The following TDRD10 variants were observed in gnomAD, a reference collection of about 807,000 sequenced individuals.
TDRD10 encodes the protein tudor domain containing 10.
In TDRD10, 40 loss-of-function variants were observed where a neutral mutation model predicts 48.0. That is an observed-to-expected ratio of 0.83 (90% confidence interval 0.65 to 1.09). The LOEUF (loss-of-function observed/expected upper bound fraction) is 1.09. TDRD10 is among the 50% of genes least tolerant of loss of function. The probability of loss-of-function intolerance (pLI) is 0.00; values close to 1 mark genes in which losing one functional copy is unlikely to be tolerated. For missense variants in TDRD10, 378 were observed against 434.7 expected (o/e 0.87, Z 1.16); for synonymous variants, 162 against 170.4 (o/e 0.95, Z 0.38).
At chr1:154,520,044 C>A (rs1693976679) in intron 4 of TDRD10, among the ~76,000 whole-genome samples, 1 of 152,198 alleles carries the variant, frequency 6.6e-6, no homozygotes, top group Non-Finnish European at 1.5e-5. Flanking sequence ...CGCCCATAGC[C>A]AGCTGTATGT....
chr1:154,541,919 G>A, intron 6 of TDRD10, 105 bp from the exon 7 acceptor site: 1 of 1,143,880 alleles, frequency 8.7e-7, no homozygotes, highest in Non-Finnish European at 1.3e-6. Context: ...TCAGAACAGG[G>A]GCTGCCGATG....
chr1:154,527,558 C>T (rs781587435), intron 6 of TDRD10, among the ~76,000 whole-genome samples: 4 of 152,058 alleles, frequency 2.6e-5, no homozygotes, highest in East Asian at 1.9e-4. Flanking sequence ...AATATCTTTA[C>T]GATCTCAGTG....
intron 6 of TDRD10, 99 bp from the exon 7 acceptor site, chr1:154,541,925 C>T (rs1695256836): frequency 1.6e-6 from 2 of 1,225,636 alleles, no homozygotes; most frequent in African/African-American, 1.5e-5. Context: ...CAGGGGCTGC[C>T]GATGCTCTGT....
chr1:154,518,451 G>A (rs185123077), intron 4 of TDRD10, among the ~76,000 whole-genome samples: 59 of 151,166 alleles, frequency 3.9e-4, no homozygotes, highest in African/African-American at 1.3e-3. Context: ...TTTTTGAGAC[G>A]GAGTCTTGCT....
At chr1:154,503,465 A>G (rs764484313) in intron 1 of TDRD10, among the ~76,000 whole-genome samples, 4 of 152,054 alleles carry the variant, frequency 2.6e-5, no homozygotes, top group Non-Finnish European at 4.4e-5. Context: ...GTGCGCGCCT[A>G]TGGTTGCAGC....
At chr1:154,510,484 C>T (rs571706151) in intron 4 of TDRD10, among the ~76,000 whole-genome samples, 3 of 151,202 alleles carry the variant, frequency 2.0e-5, no homozygotes, top group Non-Finnish European at 3.0e-5. Flanking sequence ...CCCAGCTACT[C>T]GGGAGGCTGA....
At chr1:154,547,504 GCTGTTGT>G in intron 12 of TDRD10, 25 bp downstream of exon 12, 2 of 1,614,206 alleles carry the variant, frequency 1.2e-6, no homozygotes, top group Non-Finnish European at 1.7e-6. Context: ...ATCTAACTTG[GCTGTTGT>G]CCCTCCACTC....
chr1:154,544,201 G>C, intron 9 of TDRD10, 91 bp downstream of exon 9: 1 of 1,589,462 alleles, frequency 6.3e-7, no homozygotes, highest in Non-Finnish European at 8.6e-7. Context: ...GTCAGTGGTG[G>C]AGATGCAGGG....
At chr1:154,526,050 C>A (rs1010684085) in intron 6 of TDRD10, among the ~76,000 whole-genome samples, 4 of 150,814 alleles carry the variant, frequency 2.7e-5, no homozygotes, top group Non-Finnish European at 4.4e-5. Flanking sequence ...AAAAAAAATA[C>A]AAAAATTAGC....
intron 6 of TDRD10, among the ~76,000 whole-genome samples, chr1:154,523,046 G>C (rs1359176606): frequency 2.7e-4 from 41 of 152,112 alleles, no homozygotes; most frequent in Non-Finnish European, 4.4e-5. Flanking sequence ...TGGGACTACA[G>C]GTGTGAACCA....
At position 154,502,844 on chromosome 1, in the gene TDRD10, C is replaced by T. The variant is rs549648762; in HGVS notation, c.-213C>T. The T allele has an allele frequency of 6.6e-6, 1 of 152,216 alleles. No individual in the cohort carries two copies. The allele number at this position is 152,216 out of a possible 1,614,324, so 9.4% of individuals were successfully genotyped here. ...ACGGTCGCCAGCTCCTGCGCTAGTT[C>T]CGTTACTCTTCGGTGGCACACGGTC... On this transcript the variant is annotated 5_prime_UTR_variant, in exon 1 of 13. Transcript: ENST00000368482.
intron 3 of TDRD10, among the ~76,000 whole-genome samples, chr1:154,508,096 C>T (rs1693249940): frequency 6.6e-6 from 1 of 152,172 alleles, no homozygotes. Context: ...CCAGCACTTC[C>T]CATGGACCAC....
At chr1:154,538,314 C>T (rs112236096) in intron 6 of TDRD10, among the ~76,000 whole-genome samples, 28,962 of 146,058 alleles carry the variant, frequency 0.2, 3,011 homozygotes, top group South Asian at 0.24. Context: ...TTTGGGAGGC[C>T]GAGGTGGGCG....
rs116628767 is a variant in TDRD10 at position 154,506,248 on chromosome 1, T to C, written c.-27-629T>C. On this transcript the variant is annotated intron_variant, in intron 1 of 12. Coordinates refer to ENST00000368482, the MANE Select transcript of TDRD10 (RefSeq NM_182499.4). Reference sequence around the variant, plus strand: ...TAGTTGGAGAATCCATTTCCCTGCCTTTTCCAGCTTCTAGAGGCTGCCAGC... The same window carrying C: ...TAGTTGGAGAATCCATTTCCCTGCCCTTTCCAGCTTCTAGAGGCTGCCAGC... Among the ~76,000 whole-genome samples the C allele has an allele frequency of 4.4e-3, 671 of 152,318 alleles. 2 individuals are homozygous for C. Among genetic ancestry groups the C allele is most frequent in the African/African-American group, 0.016 (650 of 41,566 alleles).
Position 154,542,033 on chromosome 1 carries a change from A to G in TDRD10, c.379A>G (p.Lys127Glu). The change falls in exon 7 of 13, where the codon AAG becomes GAG. Residue 127 changes from lysine to glutamate, a missense_variant. Transcript: ENST00000368482. Reference protein sequence around the residue: ...QQPRAPLVLEKASGEGFGKTA... With the variant: ...QQPRAPLVLEEASGEGFGKTA... ...TCATTTTTCTTCCCAGGTGTTGGAG[A>G]AGGCTTCTGGTGAAGGATTTGGCAA... The G allele has an allele frequency of 4.3e-6, 7 of 1,613,782 alleles. No homozygotes were observed. Among genetic ancestry groups the G allele is most frequent in the Non-Finnish European group, 5.9e-6 (7 of 1,179,854 alleles).
Position 154,539,421 on chromosome 1 carries a change from G to C in TDRD10, c.370-2603G>C, listed in dbSNP as rs183194308. Among the ~76,000 whole-genome samples, 466 of 152,174 alleles carry C rather than the reference G, an allele frequency of 3.1e-3. 3 individuals are homozygous for C. The highest frequency in any genetic ancestry group is 0.014 in the Middle Eastern group (4 of 294). ...GGGTTCAAGCAATCCTCCTGTCTCAGCCTCCCTAGTAGCTTGGATTACAGG... is the reference window on the plus strand; with the variant it reads ...GGGTTCAAGCAATCCTCCTGTCTCACCCTCCCTAGTAGCTTGGATTACAGG... On this transcript the variant is annotated intron_variant, in intron 6 of 12. Coordinates refer to ENST00000368482, the MANE Select transcript of TDRD10 (RefSeq NM_182499.4).
chr1:154,540,057 G>A (rs1040630031), intron 6 of TDRD10, among the ~76,000 whole-genome samples: 5 of 152,216 alleles, frequency 3.3e-5, no homozygotes, highest in African/African-American at 7.2e-5. Context: ...CCAAGGTCAA[G>A]ACTTTGGGTT....
At chr1:154,529,841 A>T (rs766093077) in intron 6 of TDRD10, among the ~76,000 whole-genome samples, 4 of 151,978 alleles carry the variant, frequency 2.6e-5, no homozygotes, top group Admixed American at 2.0e-4. Context: ...TACTGCGCCC[A>T]GCTTCTTTCT....
intron 6 of TDRD10, among the ~76,000 whole-genome samples, chr1:154,536,764 G>A (rs1217106436): frequency 1.3e-5 from 2 of 152,188 alleles, no homozygotes; most frequent in East Asian, 1.9e-4. Flanking sequence ...CAGGCTGTGC[G>A]TGCTTCTTTG....
Sources: allele counts gnomAD v4.1 joint callset (sites outside exome capture counted in the v4.1 genomes callset), GRCh38; gene constraint gnomAD v4.1.1; transcripts MANE v1.5; gene names NCBI Gene and HGNC (gene_info 2026-07-23, HGNC 2026-07-21).